PCDH11Y: variants seen among roughly 807,000 people sequenced by gnomAD.
The protein encoded by PCDH11Y is protocadherin-11 Y-linked.
For missense variants in PCDH11Y, 12 were observed against 224.8 expected (o/e 0.05, Z 6.05); for synonymous variants, 9 against 83.6 (o/e 0.11, Z 4.87).
chrY:5,542,330 C>A, intron 3 of PCDH11Y, among the ~76,000 whole-genome samples: 1 of 32,999 alleles, frequency 3.0e-5, no homozygotes, highest in Non-Finnish European at 7.5e-5. Flanking sequence ...ATAAAGCCTA[C>A]CTTGACCAAT....
chrY:5,614,935 T>C, intron 4 of PCDH11Y, among the ~76,000 whole-genome samples: 1 of 31,287 alleles, frequency 3.2e-5, no homozygotes, highest in African/African-American at 1.3e-4. Context: ...CTCAGAATCA[T>C]GGTGGAAGGC....
chrY:5,229,465 G>A (rs2052965407), intron 2 of PCDH11Y, among the ~76,000 whole-genome samples: 1 of 30,082 alleles, frequency 3.3e-5, no homozygotes, highest in African/African-American at 1.3e-4. Context: ...ACAGGCACCC[G>A]CCACCGCGCC....
intron 1 of PCDH11Y, among the ~76,000 whole-genome samples, chrY:5,014,816 T>C: frequency 1.2e-4 from 4 of 33,031 alleles, no homozygotes; most frequent in African/African-American, 4.7e-4. Flanking sequence ...CTAATTTTAT[T>C]TGAATTACAT....
At chrY:5,420,535 C>G in intron 2 of PCDH11Y, among the ~76,000 whole-genome samples, 2 of 26,171 alleles carry the variant, frequency 7.6e-5, no homozygotes, top group East Asian at 2.0e-3. Flanking sequence ...AAATTTATAG[C>G]TATAAACAAT....
intron 2 of PCDH11Y, among the ~76,000 whole-genome samples, chrY:5,273,861 G>A: frequency 5.9e-5 from 2 of 33,614 alleles, no homozygotes; most frequent in African/African-American, 1.2e-4. Flanking sequence ...ATATATTTTG[G>A]GGTAAAACAT....
At chrY:5,268,299 G>A in intron 2 of PCDH11Y, among the ~76,000 whole-genome samples, 1 of 32,344 alleles carries the variant, frequency 3.1e-5, no homozygotes, top group Non-Finnish European at 7.7e-5. Context: ...AACCGCCAGT[G>A]TACGATCATA....
chrY:5,641,142 T>C, intron 4 of PCDH11Y, among the ~76,000 whole-genome samples: 3 of 33,079 alleles, frequency 9.1e-5, no homozygotes, highest in African/African-American at 2.3e-4. Context: ...ATCTTTTCTC[T>C]GGATTAGGCT....
chrY:5,340,962 GA>G (rs2053144316), intron 2 of PCDH11Y, among the ~76,000 whole-genome samples: 1 of 33,992 alleles, frequency 2.9e-5, no homozygotes, highest in Non-Finnish European at 7.3e-5. Context: ...AATAGCATTG[GA>G]GGCCAAAACT....
intron 2 of PCDH11Y, among the ~76,000 whole-genome samples, chrY:5,430,788 TTA>T (rs2053268143): frequency 3.1e-5 from 1 of 32,698 alleles, no homozygotes; most frequent in Non-Finnish European, 7.6e-5. Context: ...GTTATTGACC[TTA>T]TGTTATTTGT....
chrY:5,450,852 GC>G (rs2053292549), intron 2 of PCDH11Y, among the ~76,000 whole-genome samples: 1 of 32,781 alleles, frequency 3.1e-5, no homozygotes, highest in Non-Finnish European at 7.5e-5. Flanking sequence ...TGCATGGACA[GC>G]TTTTATCTCT....
chrY:5,455,121 C>T, intron 2 of PCDH11Y, among the ~76,000 whole-genome samples: 1 of 33,728 alleles, frequency 3.0e-5, no homozygotes, highest in Admixed American at 2.7e-4. Flanking sequence ...AGGCACAGCA[C>T]TTCTTGGACA....
At chrY:5,454,623 T>C in intron 2 of PCDH11Y, among the ~76,000 whole-genome samples, 1 of 33,585 alleles carries the variant, frequency 3.0e-5, no homozygotes, top group Admixed American at 2.7e-4. Context: ...AAGCCTCAAG[T>C]CTTGACTCAG....
At chrY:5,660,903 T>TA in intron 4 of PCDH11Y, among the ~76,000 whole-genome samples, 1 of 31,594 alleles carries the variant, frequency 3.2e-5, no homozygotes, top group South Asian at 7.1e-4. Context: ...AGAAGTTCTT[T>TA]AAAAAAATAA....
rs1602956612 is a variant in PCDH11Y at position 5,654,183 on chromosome Y, A to C, written c.3352+72385A>C. On this transcript the variant is annotated intron_variant, in intron 4 of 4. Coordinates refer to the PCDH11Y transcript ENST00000400457. Reference sequence around the variant, plus strand: ...TGCCAAATCAAAACCACAGTGAGATACCATCTCACACCAGTCATAACGGCA... The same window carrying C: ...TGCCAAATCAAAACCACAGTGAGATCCCATCTCACACCAGTCATAACGGCA... Among the ~76,000 whole-genome samples the C allele has an allele frequency of 9.1e-5, 3 of 33,082 alleles. No individual in the cohort carries two copies. The East Asian group carries it at 2.5e-3, about 27-fold the overall frequency. The allele number at this position is 33,082 out of a possible 37,273, so 88.8% of individuals were successfully genotyped here. A position where few individuals can be genotyped will look rare whatever the true frequency, so the allele number is the denominator to read the frequency against.
At chrY:5,239,493 G>A in intron 2 of PCDH11Y, among the ~76,000 whole-genome samples, 1 of 32,127 alleles carries the variant, frequency 3.1e-5, no homozygotes, top group East Asian at 8.3e-4. Flanking sequence ...GTTAATGGGT[G>A]CAGCACACCA....
rs2124683432 is a variant in PCDH11Y at position 5,457,294 on chromosome Y, G to A, written c.3130-43763G>A. On this transcript the variant is annotated intron_variant, in intron 2 of 4. Transcript: ENST00000400457. ...TTCAGGCAAAGTCCATTTTCAAAAT[G>A]GGTTTGCACCAAAGCTGTTTGGAAG... Among the ~76,000 whole-genome samples the A allele has an allele frequency of 1.5e-4, 5 of 33,729 alleles. No individual in the cohort carries two copies. In the East Asian group the frequency reaches 3.2e-3, roughly 22 times the overall value. 90.5% of individuals were successfully genotyped at this position (33,729 alleles called of 37,273 possible). A position where few individuals can be genotyped will look rare whatever the true frequency, so the allele number is the denominator to read the frequency against.
chrY:5,474,674 T>C, intron 2 of PCDH11Y, among the ~76,000 whole-genome samples: 3 of 32,936 alleles, frequency 9.1e-5, no homozygotes, highest in Non-Finnish European at 1.5e-4. Context: ...TTCCATATGT[T>C]TTTTGGATGG....
intron 2 of PCDH11Y, among the ~76,000 whole-genome samples, chrY:5,139,497 G>T (rs2052845346): frequency 3.2e-5 from 1 of 31,220 alleles, no homozygotes; most frequent in Non-Finnish European, 7.8e-5. Flanking sequence ...AAACCCTAAA[G>T]ATTTATCCAA....
At chrY:5,324,978 G>A in intron 2 of PCDH11Y, among the ~76,000 whole-genome samples, 1 of 31,659 alleles carries the variant, frequency 3.2e-5, no homozygotes, top group African/African-American at 1.2e-4. Context: ...CTGGCGGGCA[G>A]GAGTGGGGGT....
Sources: allele counts gnomAD v4.1 joint callset (sites outside exome capture counted in the v4.1 genomes callset), GRCh38; gene constraint gnomAD v4.1.1; transcripts MANE v1.5; gene names NCBI Gene and HGNC (gene_info 2026-07-23, HGNC 2026-07-21).